DENND3: variants seen among roughly 807,000 people sequenced by gnomAD.
DENND3 encodes the protein DENN domain containing 3.
In DENND3, 88 loss-of-function variants were observed where a neutral mutation model predicts 135.1. The ratio of observed to expected loss-of-function variants is 0.65; its 90% CI spans 0.55 to 0.78. The LOEUF (loss-of-function observed/expected upper bound fraction) is 0.78. Ranked by LOEUF, DENND3 falls within the 30% of genes least tolerant of loss-of-function variation. The pLI is 0.00. For synonymous variants in DENND3, 693 were observed against 712.3 expected, an observed-to-expected ratio of 0.97 and a Z score of 0.43; for missense variants, 1,392 against 1,688.4, an observed-to-expected ratio of 0.82 and a Z score of 3.08.
chr8:141,153,535 G>C (rs1819071877), intron 7 of DENND3, among the ~76,000 whole-genome samples: 1 of 152,210 alleles, frequency 6.6e-6, no homozygotes, highest in Non-Finnish European at 1.5e-5. Context: ...CAAATCCCAG[G>C]GTCCAGATGC....
chr8:141,184,952 C>A, intron 17 of DENND3, 187 bp from the exon 18 acceptor site: 1 of 630,562 alleles, frequency 1.6e-6, no homozygotes, highest in Non-Finnish European at 2.6e-6. Context: ...CAGCCAGCTG[C>A]CCCCCTTGAC....
chr8:141,162,618 A>T (rs956958142), intron 9 of DENND3, among the ~76,000 whole-genome samples: 1 of 152,164 alleles, frequency 6.6e-6, no homozygotes, highest in African/African-American at 2.4e-5. Context: ...AGTTTGTAAC[A>T]TGATCTGAGG....
In DENND3 at chr8:141,168,637, C is replaced by T; in HGVS notation, c.2275+112C>T. The T allele has an allele frequency of 7.3e-7, 1 of 1,368,478 alleles. No individual in the cohort carries two copies. The allele number at this position is 1,368,478 out of a possible 1,614,324, so 84.8% of individuals were successfully genotyped here. ...CACAGCTCACTGCAACCTCCACCTCCTGGGCTCAAGCAGTCCTCCCACCTC... is the reference window on the plus strand; with the variant it reads ...CACAGCTCACTGCAACCTCCACCTCTTGGGCTCAAGCAGTCCTCCCACCTC... On this transcript the variant is annotated intron_variant, in intron 13 of 22. Transcript: ENST00000519811. The surrounding 1 kb of genome is among the most constrained non-coding windows in gnomAD (Gnocchi z 6.2).
rs965781348 is a variant in DENND3, at chr8:141,137,758, G to A, written c.386-264G>A. Among the ~76,000 whole-genome samples, 16 of 152,204 alleles carry A rather than the reference G, an allele frequency of 1.1e-4. No homozygotes were observed. Among genetic ancestry groups the A allele is most frequent in the African/African-American group, 3.9e-4 (16 of 41,460 alleles). ...CAGGGATTATAAACCTGGGACAGGC[G>A]CCAGGTGGGCGGCTGTGCCCAGCAA... On this transcript the variant is annotated intron_variant, in intron 2 of 22. Coordinates refer to ENST00000519811, the MANE Select transcript of DENND3 (RefSeq NM_001352890.3). This position sits in a 1 kb window ranked among gnomAD's most constrained non-coding sequence, Gnocchi z 4.1.
chr8:141,153,111 T>TTAATTTATTTTTTTATTGATAATTCTTGG (rs1819007440), intron 7 of DENND3, among the ~76,000 whole-genome samples: 1 of 133,746 alleles, frequency 7.5e-6, no homozygotes, highest in African/African-American at 2.8e-5. Context: ...TTTTTTTTTT[T>TTAATTTATTTTTTTATTGATAATTCTTGG]GAGACAGAGT....
intron 16 of DENND3, 32 bp from the exon 17 acceptor site, chr8:141,180,715 A>G: frequency 6.3e-7 from 1 of 1,596,148 alleles, no homozygotes; most frequent in Non-Finnish European, 8.6e-7. Context: ...TTGAGGCTGC[A>G]ACAGTAACAC....
chr8:141,175,551 C>T lies in DENND3; in HGVS notation c.2535+92C>T, dbSNP rs757105880. On this transcript the variant is annotated intron_variant, in intron 14 of 22. Transcript: ENST00000519811. This position sits in a 1 kb window ranked among gnomAD's most constrained non-coding sequence, Gnocchi z 5.4. ...GCCCTGAGCAGTCTGCCAGCCATGCCAAGTACCAGCTGCAGCCCTTCTGCA... is the reference window on the plus strand; with the variant it reads ...GCCCTGAGCAGTCTGCCAGCCATGCTAAGTACCAGCTGCAGCCCTTCTGCA... The T allele has an allele frequency of 1.9e-6, 3 of 1,593,840 alleles. No individual in the cohort carries two copies. The highest frequency in any genetic ancestry group is 3.4e-5 in the Admixed American group (2 of 59,546).
intron 8 of DENND3, chr8:141,157,444 A>C: frequency 2.0e-6 from 2 of 985,470 alleles, no homozygotes; most frequent in Non-Finnish European, 2.4e-6. Flanking sequence ...AGTCCTCACA[A>C]CCTGTGGGTC....
rs1825151229 is a variant in DENND3 at position 141,194,518 on chromosome 8, G to A, written c.*285G>A. 1 of 417,482 alleles carries A rather than the reference G, an allele frequency of 2.4e-6. No individual in the cohort carries two copies. The highest frequency in any genetic ancestry group is 4.4e-6 in the Non-Finnish European group (1 of 227,508). The allele number at this position is 417,482 out of a possible 1,614,324, so 25.9% of individuals were successfully genotyped here. A position where few individuals can be genotyped will look rare whatever the true frequency, so the allele number is the denominator to read the frequency against. ...ATAACCTCTGCTGGGAGGTTACTTT[G>A]TTGCCTAGAAAGTTCTGGAATCCAC... On this transcript the variant is annotated 3_prime_UTR_variant, in exon 23 of 23. Coordinates refer to ENST00000519811, the MANE Select transcript of DENND3 (RefSeq NM_001352890.3).
At chr8:141,158,238 C>T (rs59830378) in intron 8 of DENND3, 411,069 of 1,288,632 alleles carry the variant, frequency 0.32, 67,501 homozygotes, top group Non-Finnish European at 0.34. Context: ...GTCCTCTGCG[C>T]GAACTTTGAA....
Position 141,175,410 on chromosome 8 carries a change from C to A in DENND3, c.2486C>A (p.Thr829Asn). Residue 829 changes from threonine (T) to asparagine (N), a missense_variant, in exon 14 of 23, where the codon ACC (threonine) becomes AAC (asparagine). Coordinates refer to ENST00000519811, the MANE Select transcript of DENND3 (RefSeq NM_001352890.3). The surrounding 1 kb of genome is among the most constrained non-coding windows in gnomAD (Gnocchi z 5.4). ...ACCCAGAAGCGCCTGTTCCTCCTAA[C>A]CGAAGGAAGGCCAGGCTACTTGGAG... ...AMTQKRLFLL[T>N]EGRPGYLEIS... is the part of the protein sequence containing the mutation. 6.2e-7 allele frequency: 1 copy of A among 1,614,170 alleles called. No individual in the cohort carries two copies. Among genetic ancestry groups the A allele is most frequent in the Non-Finnish European group, 8.5e-7 (1 of 1,180,042 alleles).
At chr8:141,189,307 C>T (rs926722781) in intron 19 of DENND3, among the ~76,000 whole-genome samples, 161 bp downstream of exon 19, 1 of 152,256 alleles carries the variant, frequency 6.6e-6, no homozygotes, top group Non-Finnish European at 1.5e-5. Context: ...CCTCGGTCTG[C>T]TTCTGCTCAC....
chr8:141,186,912 T>G (rs1215956202), intron 18 of DENND3, among the ~76,000 whole-genome samples: 1 of 152,216 alleles, frequency 6.6e-6, no homozygotes, highest in African/African-American at 2.4e-5. Context: ...TGCGCTTCCC[T>G]GTCGCCCGAG....
chr8:141,136,196 C>T (rs541943639), intron 1 of DENND3, among the ~76,000 whole-genome samples: 5 of 152,324 alleles, frequency 3.3e-5, no homozygotes, highest in African/African-American at 9.6e-5. Flanking sequence ...ACAGCCAGGA[C>T]TTGAACTCAG....
intron 18 of DENND3, among the ~76,000 whole-genome samples, chr8:141,187,236 T>G (rs1330112042): frequency 2.0e-5 from 3 of 151,272 alleles, no homozygotes; most frequent in Non-Finnish European, 4.4e-5. Flanking sequence ...TACCTAAGTA[T>G]ATATTAGGCA....
intron 7 of DENND3, among the ~76,000 whole-genome samples, chr8:141,155,222 A>C (rs1819297486): frequency 6.6e-6 from 1 of 152,088 alleles, no homozygotes; most frequent in East Asian, 1.9e-4. Flanking sequence ...GAATGCACTT[A>C]CACTGTCGAG....
chr8:141,144,614 G>A lies in DENND3; in HGVS notation c.735+355G>A, dbSNP rs887936048. Among the ~76,000 whole-genome samples the A allele has an allele frequency of 1.3e-5, 2 of 152,060 alleles. No homozygotes were observed. The highest frequency in any genetic ancestry group is 4.8e-5 in the African/African-American group (2 of 41,384). On this transcript the variant is annotated intron_variant, in intron 5 of 22. Transcript: ENST00000519811. The surrounding 1 kb of genome is among the most constrained non-coding windows in gnomAD (Gnocchi z 4.4). ...CTGAACAGGTTCCCTCTTGGCCAAC[G>A]GGACCCTAGAAAAACCTTAAAAATG... is the stretch of plus-strand genomic sequence containing the variant.
intron 5 of DENND3, 122 bp from the exon 6 acceptor site, chr8:141,150,712 C>A: frequency 7.9e-7 from 1 of 1,261,580 alleles, no homozygotes; most frequent in Non-Finnish European, 1.1e-6. Flanking sequence ...AACGTGGCAG[C>A]CTGTGTCTTC....
chr8:141,170,468 T>C (rs1589655525), intron 13 of DENND3, among the ~76,000 whole-genome samples: 1 of 152,304 alleles, frequency 6.6e-6, no homozygotes, highest in East Asian at 1.9e-4. Flanking sequence ...CCCTGCGTGG[T>C]GAAGCCATCA....
Sources: allele counts gnomAD v4.1 joint callset (sites outside exome capture counted in the v4.1 genomes callset), GRCh38; gene constraint gnomAD v4.1.1; non-coding constraint Gnocchi (gnomAD v3.1); transcripts MANE v1.5; gene names NCBI Gene and HGNC (gene_info 2026-07-23, HGNC 2026-07-21).